Variants in AHCTF1 observed in about 807,000 individuals in gnomAD.
AHCTF1 encodes the protein AT-hook containing transcription factor 1.
AHCTF1 carries 24 observed loss-of-function variants against 248.4 expected under a neutral mutation model. That is an observed-to-expected ratio of 0.10 (90% CI 0.07 to 0.14). AHCTF1 has a LOEUF of 0.14. Among genes scored for constraint, AHCTF1 ranks in the 10% least tolerant of loss-of-function variants. The probability of loss-of-function intolerance (pLI) is 1.00; values close to 1 mark genes in which losing one functional copy is unlikely to be tolerated. For synonymous variants in AHCTF1, 786 were observed against 929.8 expected (o/e 0.85, Z 2.81); for missense variants, 2,206 against 2,636.2 (o/e 0.84, Z 3.57).
chr1:246,860,793 C>G, intron 29 of AHCTF1, 106 bp downstream of exon 29: 1 of 1,440,052 alleles, frequency 6.9e-7, no homozygotes, highest in Non-Finnish European at 9.4e-7. Flanking sequence ...TAGCATGAGC[C>G]ACAGTACCTG....
Position 246,855,843 on chromosome 1 carries a change from T to A in AHCTF1, c.4257-16A>T. On this transcript the variant is annotated splice_polypyrimidine_tract_variant and intron_variant, in intron 30 of 35. Coordinates refer to ENST00000648844, the MANE Select transcript of AHCTF1 (RefSeq NM_001323342.2). The stretch of plus-strand genomic sequence containing the variant: ...GAAGATTTTCCTTTAGAAAAAGAAA[T>A]ACATACCTTAGTGTGTAAGAAGATC... 6.3e-7 allele frequency: 1 copy of A among 1,591,612 alleles called. No individual in the cohort carries two copies. The highest frequency in any genetic ancestry group is 8.6e-7 in the Non-Finnish European group (1 of 1,160,880).
intron 33 of AHCTF1, among the ~76,000 whole-genome samples, chr1:246,846,415 G>C (rs549607674): frequency 1.3e-5 from 2 of 151,996 alleles, no homozygotes; most frequent in African/African-American, 4.8e-5. Flanking sequence ...TTAAAGGAGT[G>C]AATACTCATA....
intron 3 of AHCTF1, among the ~76,000 whole-genome samples, chr1:246,915,272 G>A (rs1373716113): frequency 6.6e-6 from 1 of 152,164 alleles, no homozygotes; most frequent in African/African-American, 2.4e-5. Flanking sequence ...AGAGGTTGCA[G>A]TGAGCTGAGA....
rs756535737 is a variant in AHCTF1 at position 246,898,278 on chromosome 1, T to C, written c.1553A>G (p.Tyr518Cys). 1.9e-6 allele frequency: 3 copies of C among 1,612,938 alleles called. No individual in the cohort carries two copies. In the South Asian group the frequency reaches 3.3e-5, roughly 18 times the overall value. The stretch of plus-strand genomic sequence containing the variant: ...AAGGCCAGCTACAAGACATCGATTA[T>C]AACCATCAGGAATGAGTTCATTGAG... ...PSLNELIPDG[Y>C]NRCLVAGLLS... Residue 518 changes from tyrosine (Y) to cysteine (C), a missense_variant, in exon 12 of 36, where the codon TAT becomes TGT. Transcript: ENST00000648844.
Position 246,918,302 on chromosome 1 carries a change from A to G in AHCTF1, c.69T>C (p.Leu23=). 6.2e-7 allele frequency: 1 copy of G among 1,612,690 alleles called. No homozygotes were observed. The highest frequency in any genetic ancestry group is 8.5e-7 in the Non-Finnish European group (1 of 1,179,724). ...LPFPEVTLQA[L]GEDEITLESV... ...ATTCTAATGTTATTTCGTCTTCTCC[A>G]AGGGCTTGAAGAGTCACTTCTGGAA... The change falls in exon 2 of 36, where the codon CTT becomes CTC. Residue 23 remains leucine (L), a synonymous_variant. Coordinates refer to ENST00000648844, the MANE Select transcript of AHCTF1 (RefSeq NM_001323342.2).
intron 21 of AHCTF1, among the ~76,000 whole-genome samples, chr1:246,882,885 C>T (rs1250086649): frequency 1.3e-5 from 2 of 152,180 alleles, no homozygotes; most frequent in African/African-American, 2.4e-5. Context: ...TGCAAAGATG[C>T]TCTTAATGAG....
At position 246,895,476 on chromosome 1, in the gene AHCTF1, G is replaced by T. The variant is rs193278154; in HGVS notation, c.1714+359C>A. Among the ~76,000 whole-genome samples, 4 of 152,280 alleles carry T rather than the reference G, an allele frequency of 2.6e-5. No homozygotes were observed. In the East Asian group the frequency reaches 7.7e-4, roughly 29 times the overall value. On this transcript the variant is annotated intron_variant, in intron 13 of 35. Coordinates refer to ENST00000648844, the MANE Select transcript of AHCTF1 (RefSeq NM_001323342.2). ...ACAACAATTTGGATGAATTCCTAGA[G>T]AATTTTGCTGAGTAAAAAAGGTAAT...
At chr1:246,893,197 A>C (rs1664340105) in intron 14 of AHCTF1, among the ~76,000 whole-genome samples, 1 of 152,202 alleles carries the variant, frequency 6.6e-6, no homozygotes, top group Admixed American at 6.5e-5. Context: ...GGACATTTTT[A>C]CTCTGATCCT....
chr1:246,910,260 G>A (rs894505939), intron 4 of AHCTF1, among the ~76,000 whole-genome samples: 1 of 152,230 alleles, frequency 6.6e-6, no homozygotes, highest in African/African-American at 2.4e-5. Context: ...AGAGAGGACA[G>A]AAAGAGGATT....
chr1:246,931,200 C>A, intron 1 of AHCTF1: 4 of 1,550,204 alleles, frequency 2.6e-6, no homozygotes, highest in Non-Finnish European at 3.5e-6. Flanking sequence ...CCGCTTCCCT[C>A]GGGGAAAGGC....
intron 24 of AHCTF1, among the ~76,000 whole-genome samples, chr1:246,868,636 T>C (rs1662222638): frequency 6.6e-6 from 1 of 151,540 alleles, no homozygotes; most frequent in Admixed American, 6.6e-5. Flanking sequence ...AAAAAGTTAT[T>C]CTTTGTGTTT....
Position 246,850,815 on chromosome 1 carries a change from C to T in AHCTF1, c.5191G>A (p.Val1731Ile), listed in dbSNP as rs1198807124. 1 of 1,613,832 alleles carries T rather than the reference C, an allele frequency of 6.2e-7. No homozygotes were observed. The highest frequency in any genetic ancestry group is 1.1e-5 in the South Asian group (1 of 91,074). ...TSTMTMNVSQ[V>I]DDVVSSKTRT... ...GTTTTGGAGGAAACCACGTCATCAA[C>T]CTGGCTGACATTCATAGTCATTGTG... Residue 1731 changes from valine to isoleucine, a missense_variant, in exon 33 of 36, where the codon GTT becomes ATT. By Grantham distance (29) the Val-to-Ile change is conservative. Coordinates refer to ENST00000648844, the MANE Select transcript of AHCTF1 (RefSeq NM_001323342.2).
At chr1:246,852,556 C>A (rs1226763148) in intron 32 of AHCTF1, among the ~76,000 whole-genome samples, 2 of 151,900 alleles carry the variant, frequency 1.3e-5, no homozygotes, top group Non-Finnish European at 2.9e-5. Context: ...ATGTTCAACA[C>A]CAGCCAGTTG....
At chr1:246,865,858 C>T (rs1294992575) in intron 26 of AHCTF1, among the ~76,000 whole-genome samples, 1 of 152,062 alleles carries the variant, frequency 6.6e-6, no homozygotes, top group Admixed American at 6.5e-5. Context: ...TCAGAACTAA[C>T]CTTTTCTGAT....
At chr1:246,923,940 T>C (rs1334294862) in intron 1 of AHCTF1, among the ~76,000 whole-genome samples, 1 of 152,216 alleles carries the variant, frequency 6.6e-6, no homozygotes, top group Non-Finnish European at 1.5e-5. Flanking sequence ...AAGAGGGCCA[T>C]GTTTCAGGGA....
Position 246,882,143 on chromosome 1 carries a change from G to A in AHCTF1, c.2660+3350C>T, listed in dbSNP as rs374821852. On this transcript the variant is annotated intron_variant, in intron 21 of 35. Coordinates refer to ENST00000648844, the MANE Select transcript of AHCTF1 (RefSeq NM_001323342.2). ...CTCCTGAGTAGCTGGGACTACAGGC[G>A]TGCACCACCTCGCCCAGCTAATTTT... 5.9e-5 allele frequency among the ~76,000 whole-genome samples: 9 copies of A among 151,706 alleles called. No individual in the cohort carries two copies. The South Asian group carries it at 1.5e-3, about 25-fold the overall frequency.
rs542382513 is a variant in AHCTF1 at position 246,894,721 on chromosome 1, C to T, written c.1742G>A (p.Arg581His). ...ATTCCACGTCCATTCAAGAACAAAG[C>T]GCAAATTAGTGGCAGAATTTGGTTG... is the stretch of plus-strand genomic sequence containing the variant. ...EEQPNSATNLRFVLEWTWNKV... is the reference protein window; with the variant it reads ...EEQPNSATNLHFVLEWTWNKV... Residue 581 changes from arginine (R) to histidine (H), a missense_variant, in exon 14 of 36, where the codon CGC (arginine) becomes CAC (histidine). Transcript: ENST00000648844. 122 of 1,613,676 alleles carry T rather than the reference C, an allele frequency of 7.6e-5. No homozygotes were observed. In the East Asian group the frequency reaches 2.3e-3, roughly 30 times the overall value.
chr1:246,867,555 A>G (rs1269394743), intron 25 of AHCTF1, 106 bp downstream of exon 25: 9 of 1,395,622 alleles, frequency 6.4e-6, no homozygotes, highest in Non-Finnish European at 8.9e-6. Flanking sequence ...TCTTTTTTAC[A>G]TACACTAATA....
In AHCTF1 at chr1:246,891,022, G is replaced by T; in HGVS notation, c.1984C>A (p.Leu662Ile). Residue 662 changes from leucine (L) to isoleucine (I), a missense_variant, in exon 16 of 36, where the codon CTC becomes ATC. By Grantham distance (5) the Leu-to-Ile change is conservative. Coordinates refer to ENST00000648844, the MANE Select transcript of AHCTF1 (RefSeq NM_001323342.2). ...DLSNKFVVSH[L>I]ICQYAQVVLW... ...ACCACTTGTGCATACTGACAGATGA[G>T]GTGGGAAACCACAAACTTATTGCTT... 6.4e-7 allele frequency: 1 copy of T among 1,558,990 alleles called. No homozygotes were observed.
Sources: allele counts gnomAD v4.1 joint callset (sites outside exome capture counted in the v4.1 genomes callset), GRCh38; gene constraint gnomAD v4.1.1; transcripts MANE v1.5; gene names NCBI Gene and HGNC (gene_info 2026-07-23, HGNC 2026-07-21).